Variants in USP10 observed in about 807,000 individuals in gnomAD.
USP10 encodes ubiquitin specific peptidase 10, also known as ubiquitin carboxyl-terminal hydrolase 10.
A neutral mutation model predicts 84.5 loss-of-function variants in USP10; 22 were observed. The ratio of observed to expected loss-of-function variants is 0.26; its 90% confidence interval spans 0.19 to 0.37. The LOEUF is 0.37. Ranked by LOEUF, USP10 falls within the 10% of genes least tolerant of loss-of-function variation. USP10 has a pLI of 1.00. For missense variants in USP10, 1,019 were observed against 998.9 expected, an observed-to-expected ratio of 1.02 and a Z score of -0.27; for synonymous variants, 454 against 387.6, an observed-to-expected ratio of 1.17 and a Z score of -2.01.
intron 3 of USP10, among the ~76,000 whole-genome samples, chr16:84,742,731 G>A (rs748386969): frequency 6.6e-6 from 1 of 152,216 alleles, no homozygotes; most frequent in Non-Finnish European, 1.5e-5. Flanking sequence ...GGCGTCCATT[G>A]TGAGTGTTCC....
chr16:84,736,909 C>G (rs780865994), intron 2 of USP10, among the ~76,000 whole-genome samples: 1 of 152,248 alleles, frequency 6.6e-6, no homozygotes, highest in African/African-American at 2.4e-5. Flanking sequence ...CTGCCTCAGC[C>G]TCCCGAGTAG....
intron 1 of USP10, among the ~76,000 whole-genome samples, chr16:84,706,892 T>C (rs1905601035): frequency 6.7e-6 from 1 of 149,872 alleles, no homozygotes. Context: ...TGGGTAGATC[T>C]GATCATTGGA....
At position 84,744,708 on chromosome 16, in the gene USP10, G is replaced by C. The variant is rs746399587; in HGVS notation, c.227G>C (p.Ser76Thr). 11 of 1,613,452 alleles carry C rather than the reference G, an allele frequency of 6.8e-6. No individual in the cohort carries two copies. Among genetic ancestry groups the C allele is most frequent in the Middle Eastern group, 1.6e-4 (1 of 6,078 alleles). ...AGTGACACTTTGCCGAGAACCCCCA[G>C]CTACAGTATTTCAAGCACACTGAAC... ...EPSDTLPRTPSYSISSTLNPQ... is the reference protein window; with the variant it reads ...EPSDTLPRTPTYSISSTLNPQ... Residue 76 changes from serine (S) to threonine (T), a missense_variant, in exon 4 of 14, where the codon AGC becomes ACC. Ser to Thr is a moderately conservative substitution (Grantham distance 58, BLOSUM62 1). Around this residue, in one of 2 missense-constraint regions of USP10, gnomAD observed 787 missense variants for 708.8 expected, o/e 1.11. Transcript: ENST00000219473.
chr16:84,715,053 T>G (rs914825426), intron 1 of USP10, among the ~76,000 whole-genome samples: 1 of 151,898 alleles, frequency 6.6e-6, no homozygotes, highest in Non-Finnish European at 1.5e-5. Flanking sequence ...CTCAGCCTCC[T>G]GAGTAGCTGG....
chr16:84,735,625 A>G (rs1909836674), intron 2 of USP10, among the ~76,000 whole-genome samples: 1 of 152,184 alleles, frequency 6.6e-6, no homozygotes, highest in South Asian at 2.1e-4. Flanking sequence ...TGAGTAACAG[A>G]TGTTAGTAGA....
intron 1 of USP10, among the ~76,000 whole-genome samples, chr16:84,710,139 G>A (rs371920485): frequency 2.2e-4 from 33 of 152,012 alleles, no homozygotes; most frequent in African/African-American, 7.5e-4. Flanking sequence ...GCGTGGTGGC[G>A]CATGTCTGTA....
At chr16:84,758,691 G>A in intron 4 of USP10, 25 bp from the exon 5 acceptor site, 1 of 1,534,790 alleles carries the variant, frequency 6.5e-7, no homozygotes, top group Non-Finnish European at 9.0e-7. Context: ...ATCAATTTCT[G>A]AAATATGCTT....
intron 4 of USP10, among the ~76,000 whole-genome samples, 193 bp downstream of exon 4, chr16:84,745,866 G>A (rs542849595): frequency 4.6e-5 from 7 of 152,294 alleles, no homozygotes; most frequent in African/African-American, 7.2e-5. Context: ...GAGGGTTGTC[G>A]TAACTTTATG....
chr16:84,729,131 A>G (rs900935491), intron 1 of USP10, among the ~76,000 whole-genome samples: 5 of 151,530 alleles, frequency 3.3e-5, no homozygotes, highest in Non-Finnish European at 7.3e-5. Context: ...TAGTGTTGAT[A>G]ATAAATGCTT....
intron 1 of USP10, among the ~76,000 whole-genome samples, chr16:84,722,427 G>C (rs559990122): frequency 1.3e-5 from 2 of 152,218 alleles, no homozygotes; most frequent in Non-Finnish European, 2.9e-5. Flanking sequence ...TTCATTTCTT[G>C]TGGGTAAAAT....
At chr16:84,778,192 G>A (rs1057240694) in intron 13 of USP10, among the ~76,000 whole-genome samples, 6 of 151,064 alleles carry the variant, frequency 4.0e-5, no homozygotes, top group Admixed American at 2.0e-4. Context: ...CACCATCTCC[G>A]CAGTGCCCCA....
intron 4 of USP10, among the ~76,000 whole-genome samples, chr16:84,751,034 G>A (rs1911868064): frequency 6.6e-6 from 1 of 152,222 alleles, no homozygotes; most frequent in African/African-American, 2.4e-5. Context: ...ACAGTTATGT[G>A]CTGCTTTAAT....
In USP10 at chr16:84,777,553, C is replaced by T. The variant is rs149336581; in HGVS notation, c.2210-1342C>T. On this transcript the variant is annotated intron_variant, in intron 13 of 13. Transcript: ENST00000219473. ...TGGATTGGCTGTGTCCCTGGCTCTC[C>T]GAAGTACGGGCCCCACAGTCTTGCT... Among the ~76,000 whole-genome samples, 25 of 152,210 alleles carry T rather than the reference C, an allele frequency of 1.6e-4. No homozygotes were observed. The East Asian group carries it at 4.6e-3, about 28-fold the overall frequency.
chr16:84,723,866 C>A (rs970209001), intron 1 of USP10, among the ~76,000 whole-genome samples: 3 of 152,150 alleles, frequency 2.0e-5, no homozygotes, highest in East Asian at 1.9e-4. Flanking sequence ...TGACATTGAG[C>A]CCCCTTGCAG....
intron 1 of USP10, among the ~76,000 whole-genome samples, chr16:84,721,568 C>T (rs568530999): frequency 3.3e-5 from 5 of 152,320 alleles, no homozygotes; most frequent in Admixed American, 1.3e-4. Flanking sequence ...TGCTCTGTCT[C>T]CCAGGCTGGA....
intron 10 of USP10, among the ~76,000 whole-genome samples, chr16:84,764,753 C>T (rs1470400864): frequency 6.6e-6 from 1 of 151,818 alleles, no homozygotes; most frequent in Non-Finnish European, 1.5e-5. Context: ...ATCGCTTGAA[C>T]CCAGGAGGCA....
chr16:84,709,795 T>C (rs925701312), intron 1 of USP10, among the ~76,000 whole-genome samples: 2 of 152,064 alleles, frequency 1.3e-5, no homozygotes, highest in African/African-American at 4.8e-5. Flanking sequence ...GACAAGGGCA[T>C]GTGGAGGAGA....
At position 84,744,482 on chromosome 16, in the gene USP10, C is replaced by G. The variant is rs902922871; in HGVS notation, c.152-151C>G. ...ATAATTTTATAGTTGTTTCATTTTC[C>G]GCAAATTGTTCAGCGTAAGTAAAGG... On this transcript the variant is annotated intron_variant, in intron 3 of 13. Transcript: ENST00000219473. 3 of 631,416 alleles carry G rather than the reference C, an allele frequency of 4.8e-6. No homozygotes were observed. In the African/African-American group the frequency reaches 5.6e-5, roughly 12 times the overall value. The allele number at this position is 631,416 out of a possible 1,614,324, so 39.1% of individuals were successfully genotyped here.
rs1340732013 is a variant in USP10 at position 84,775,169 on chromosome 16, C to A, written c.2153C>A (p.Ser718Tyr). The A allele has an allele frequency of 1.4e-5, 23 of 1,613,728 alleles. No homozygotes were observed. Among genetic ancestry groups the A allele is most frequent in the Non-Finnish European group, 1.9e-5 (22 of 1,179,766 alleles). The change falls in exon 13 of 14, where the codon TCT (serine) becomes TAT (tyrosine). Residue 718 changes from serine (S) to tyrosine (Y), a missense_variant. Coordinates refer to ENST00000219473, the MANE Select transcript of USP10 (RefSeq NM_005153.3). ...VDLEISKELL[S>Y]PGVKNKNFKC... ...ATATTTTGTTTTCCAGAACTGCTTT[C>A]TCCAGGGGTTAAAAATAAGAATTTT...
Sources: gnomAD v4.1 joint callset for allele counts (sites outside exome capture counted in the v4.1 genomes callset) on GRCh38, gnomAD v4.1.1 for gene constraint, gnomAD v4.1.1 regional missense constraint, MANE v1.5 for transcripts, NCBI Gene and HGNC (gene_info 2026-07-23, HGNC 2026-07-21) for gene names.